Variants in RECQL observed in about 807,000 individuals in gnomAD.
RECQL encodes ATP-dependent DNA helicase Q1.
A neutral mutation model predicts 75.8 loss-of-function variants in RECQL; 73 were observed. That is an observed-to-expected ratio of 0.96 (90% CI 0.80 to 1.17). The LOEUF is 1.17. RECQL is among the 50% of genes most tolerant of loss of function. The pLI is 0.00. For synonymous variants in RECQL, 248 were observed against 254.4 expected (o/e 0.97, Z 0.24); for missense variants, 699 against 772.1 (o/e 0.91, Z 1.12).
At chr12:21,477,571 T>C (rs1943109681) in intron 7 of RECQL, among the ~76,000 whole-genome samples, 1 of 152,240 alleles carries the variant, frequency 6.6e-6, no homozygotes, top group South Asian at 2.1e-4. Context: ...CTTACTCATA[T>C]GTTTTATAAA....
rs1275186637 is a variant in RECQL at position 21,471,460 on chromosome 12, A to G, written c.1635T>C (p.Ile545=). ...PTLPREDLEK[I]IAHFLIQQYL... is the part of the protein sequence containing the mutation. ...ACTGCTGTATTAGAAAGTGTGCAAT[A>G]ATCTTCTCCAGATCTTCACGAGGAA... Residue 545 remains isoleucine, a synonymous_variant, in exon 13 of 15, where the codon ATT becomes ATC. Coordinates refer to ENST00000444129, the MANE Select transcript of RECQL (RefSeq NM_002907.4). The G allele has an allele frequency of 6.2e-7, 1 of 1,613,042 alleles. No individual in the cohort carries two copies. The highest frequency in any genetic ancestry group is 2.2e-5 in the East Asian group (1 of 44,846).
chr12:21,482,124 G>A (rs1449221873), intron 6 of RECQL, among the ~76,000 whole-genome samples: 1 of 152,086 alleles, frequency 6.6e-6, no homozygotes, highest in Non-Finnish European at 1.5e-5. Flanking sequence ...TTTAGTTTCT[G>A]TTTTTAGGGA....
At chr12:21,490,477 A>G in intron 3 of RECQL, 99 bp from the exon 4 acceptor site, 1 of 698,654 alleles carries the variant, frequency 1.4e-6, no homozygotes, top group South Asian at 2.2e-5. Context: ...ATACTTATAG[A>G]CCATTAAACT....
chr12:21,497,987 G>A lies in RECQL; in HGVS notation c.16+1568C>T, dbSNP rs114293431. On this transcript the variant is annotated intron_variant, in intron 2 of 14. Transcript: ENST00000444129. ...TCTCACTGATACAGATGCTTACTCCGGATATGAATTTACCATACCTGCCTG... is the reference window on the plus strand; with the variant it reads ...TCTCACTGATACAGATGCTTACTCCAGATATGAATTTACCATACCTGCCTG... 2.4e-3 allele frequency among the ~76,000 whole-genome samples: 370 copies of A among 152,248 alleles called. 3 individuals carry two copies. Among genetic ancestry groups the A allele is most frequent in the African/African-American group, 8.6e-3 (357 of 41,530 alleles).
chr12:21,471,702 G>GAT, intron 12 of RECQL, 55 bp from the exon 13 acceptor site: 1 of 1,392,140 alleles, frequency 7.2e-7, no homozygotes, highest in Non-Finnish European at 1.0e-6. Flanking sequence ...TGAGGGCAAA[G>GAT]ATAGGCTATC....
chr12:21,485,084 A>G (rs994089581), intron 5 of RECQL, among the ~76,000 whole-genome samples: 1 of 152,060 alleles, frequency 6.6e-6, no homozygotes, highest in Non-Finnish European at 1.5e-5. Context: ...TGCTAAAACC[A>G]TTAGATGAAA....
At chr12:21,480,462 C>A (rs1448274178) in intron 6 of RECQL, among the ~76,000 whole-genome samples, 1 of 152,138 alleles carries the variant, frequency 6.6e-6, no homozygotes, top group Non-Finnish European at 1.5e-5. Flanking sequence ...GCTGACAACA[C>A]TTAGTGGTGG....
rs1138675 is a variant in RECQL, at chr12:21,469,761, A to T, written c.*433T>A. On this transcript the variant is annotated 3_prime_UTR_variant, in exon 15 of 15. Transcript: ENST00000444129. Reference sequence around the variant, plus strand: ...GCGGCCCAAGACAATTCTTCTTCCAATGTGGCTCAGGGAAGCCAAAAGATT... The same window carrying T: ...GCGGCCCAAGACAATTCTTCTTCCATTGTGGCTCAGGGAAGCCAAAAGATT... 11 of 153,592 alleles carry T rather than the reference A, an allele frequency of 7.2e-5. No homozygotes were observed. The highest frequency in any genetic ancestry group is 1.1e-4 in the Non-Finnish European group (8 of 69,572). The allele number at this position is 153,592 out of a possible 1,614,324, so 9.5% of individuals were successfully genotyped here.
At chr12:21,493,092 C>G (rs1943442969) in intron 2 of RECQL, among the ~76,000 whole-genome samples, 1 of 152,176 alleles carries the variant, frequency 6.6e-6, no homozygotes. Context: ...GCTTACCTGA[C>G]TGAACCCTAA....
chr12:21,497,648 G>T (rs1358390334), intron 2 of RECQL, among the ~76,000 whole-genome samples: 1 of 152,216 alleles, frequency 6.6e-6, no homozygotes, highest in Non-Finnish European at 1.5e-5. Flanking sequence ...GAAGGTATTT[G>T]TGTCCAATGT....
Position 21,477,828 on chromosome 12 carries a change from A to G in RECQL, c.842T>C (p.Phe281Ser), listed in dbSNP as rs2137349926. The part of the protein sequence containing the change: ...IEKCFTFTAS[F>S]NRPNLYYEVR... ...CTCATAATATAGATTTGGCCTATTA[A>G]AAGAAGCTGTAAAAGTAAAACACTT... Residue 281 changes from phenylalanine (F) to serine (S), a missense_variant, in exon 7 of 15, where the codon TTT becomes TCT. Around this residue, in one of 2 missense-constraint regions of RECQL, gnomAD observed 669 missense variants for 713.5 expected, o/e 0.94. Coordinates refer to ENST00000444129, the MANE Select transcript of RECQL (RefSeq NM_002907.4). The G allele has an allele frequency of 6.2e-7, 1 of 1,613,086 alleles. No homozygotes were observed.
In RECQL at chr12:21,475,757, A is replaced by T; in HGVS notation, c.1017T>A (p.Ile339=). The change falls in exon 9 of 15, where the codon ATT becomes ATA. Residue 339 remains isoleucine, a synonymous_variant. Coordinates refer to ENST00000444129, the MANE Select transcript of RECQL (RefSeq NM_002907.4). ...AATTGGCATGGTAAGCACCTGCATGAATTCCCAGATTCTGCAAACTAACCG... is the reference window on the plus strand; with the variant it reads ...AATTGGCATGGTAAGCACCTGCATGTATTCCCAGATTCTGCAAACTAACCG... The part of the protein sequence containing the change: ...QVTVSLQNLG[I]HAGAYHANLE... 1 of 1,613,400 alleles carries T rather than the reference A, an allele frequency of 6.2e-7. No homozygotes were observed. Among genetic ancestry groups the T allele is most frequent in the Non-Finnish European group, 8.5e-7 (1 of 1,179,484 alleles).
Position 21,471,506 on chromosome 12 carries a change from G to A in RECQL, c.1589C>T (p.Ala530Val). The change falls in exon 13 of 15, where the codon GCA becomes GTA. Residue 530 changes from alanine (A) to valine (V), a missense_variant. Ala to Val is a moderately conservative substitution (Grantham distance 64). Transcript: ENST00000444129. ...AGGAAGTGTGGGAGCCACAACACCT[G>A]CTACTCTCAGTTTTGCTGCACCCTT... ...MGKGAAKLRV[A>V]GVVAPTLPRE... 1.9e-6 allele frequency: 3 copies of A among 1,612,930 alleles called. No homozygotes were observed. The highest frequency in any genetic ancestry group is 2.5e-6 in the Non-Finnish European group (3 of 1,179,368).
chr12:21,478,019 T>A (rs200322780), intron 6 of RECQL, 50 bp from the exon 7 acceptor site: 22 of 1,520,250 alleles, frequency 1.4e-5, no homozygotes, highest in Admixed American at 2.1e-5. Context: ...AGAGTTAGAG[T>A]AAATTATATC....
At chr12:21,495,465 G>A (rs905802518) in intron 2 of RECQL, among the ~76,000 whole-genome samples, 7 of 152,000 alleles carry the variant, frequency 4.6e-5, no homozygotes, top group South Asian at 2.1e-4. Flanking sequence ...GCGTGGTGGC[G>A]GGCGCCTGTA....
At chr12:21,492,789 C>T (rs1397493875) in intron 2 of RECQL, among the ~76,000 whole-genome samples, 2 of 152,214 alleles carry the variant, frequency 1.3e-5, no homozygotes, top group Admixed American at 6.5e-5. Flanking sequence ...AACAACTTGG[C>T]CCACAGATTC....
At chr12:21,471,376 A>T (rs923311611) in intron 13 of RECQL, 52 bp downstream of exon 13, 73 of 1,421,098 alleles carry the variant, frequency 5.1e-5, no homozygotes, top group Middle Eastern at 1.8e-4. Flanking sequence ...GCAATTTTTA[A>T]AAAAAAACCA....
chr12:21,473,815 A>G (rs1445202364), intron 11 of RECQL, among the ~76,000 whole-genome samples, 173 bp from the exon 12 acceptor site: 4 of 152,148 alleles, frequency 2.6e-5, no homozygotes, highest in Non-Finnish European at 5.9e-5. Context: ...GTTTAGATTT[A>G]GAAGTGTACT....
intron 5 of RECQL, among the ~76,000 whole-genome samples, chr12:21,485,761 T>TA (rs1399869859): frequency 3.3e-5 from 5 of 151,190 alleles, no homozygotes; most frequent in Non-Finnish European, 5.9e-5. Flanking sequence ...GTATACAGAT[T>TA]AAAAAAAAAG....
Sources: allele counts gnomAD v4.1 joint callset (sites outside exome capture counted in the v4.1 genomes callset), GRCh38; gene constraint gnomAD v4.1.1; regional missense constraint gnomAD v4.1.1; transcripts MANE v1.5; gene names NCBI Gene and HGNC (gene_info 2026-07-23, HGNC 2026-07-21).